FOXP4: variants seen among roughly 807,000 people sequenced by gnomAD.
FOXP4 encodes forkhead box P4.
A neutral mutation model predicts 82.6 loss-of-function variants in FOXP4; 25 were observed. That is an observed-to-expected ratio of 0.30 (90% CI 0.22 to 0.42). The LOEUF (loss-of-function observed/expected upper bound fraction) is 0.42, where lower values mean the gene tolerates loss of function less well. FOXP4 is among the 10% of genes least tolerant of loss of function. The pLI is 1.00. For missense variants in FOXP4, 785 were observed against 900.9 expected (o/e 0.87, Z 1.65); for synonymous variants, 415 against 388.2 (o/e 1.07, Z -0.81).
chr6:41,592,111 C>CG (rs1287377162), intron 13 of FOXP4, among the ~76,000 whole-genome samples: 1 of 152,016 alleles, frequency 6.6e-6, no homozygotes, highest in South Asian at 2.1e-4. Context: ...AGGTTAGACG[C>CG]GGGGAAGGAC....
In FOXP4 at chr6:41,591,217, G is replaced by T; in HGVS notation, c.1435-4G>T. 1 of 1,604,556 alleles carries T rather than the reference G, an allele frequency of 6.2e-7. No individual in the cohort carries two copies. The highest frequency in any genetic ancestry group is 8.5e-7 in the Non-Finnish European group (1 of 1,175,228). ...CGGTCCCTTTGCTTGTTCCTTCCCC[G>T]CAGGCCATCCTGGAAACCCCTGACA... On this transcript the variant is annotated splice_polypyrimidine_tract_variant and splice_region_variant and intron_variant, in intron 12 of 16. Transcript: ENST00000307972. The surrounding 1 kb of genome is among the most constrained non-coding windows in gnomAD (Gnocchi z 4.2).
In FOXP4 at chr6:41,591,069, AC is replaced by A. The variant is rs1766486812; in HGVS notation, c.1435-149del. The A allele has an allele frequency of 1.5e-6, 1 of 667,464 alleles. No individual in the cohort carries two copies. Among genetic ancestry groups the A allele is most frequent in the Non-Finnish European group, 2.6e-6 (1 of 378,322 alleles). The allele number at this position is 667,464 out of a possible 1,614,324, so 41.3% of individuals were successfully genotyped here. ...CCTCTGAGGGGACCCACCAGCCACC[AC>A]CCATCTTGTTATCCACACATTTCTG... is the stretch of plus-strand genomic sequence containing the variant. On this transcript the variant is annotated intron_variant, in intron 12 of 16. Transcript: ENST00000307972. The surrounding 1 kb of genome is among the most constrained non-coding windows in gnomAD (Gnocchi z 4.2).
At chr6:41,554,309 T>C (rs1764160840) in intron 1 of FOXP4, among the ~76,000 whole-genome samples, 1 of 152,216 alleles carries the variant, frequency 6.6e-6, no homozygotes, top group Non-Finnish European at 1.5e-5. Flanking sequence ...TTCATTACAA[T>C]GGTAAATTTC....
Position 41,597,155 on chromosome 6 carries a change from AT to A in FOXP4, c.1659-20del. The A allele has an allele frequency of 6.2e-7, 1 of 1,613,714 alleles. No individual in the cohort carries two copies. Among genetic ancestry groups the A allele is most frequent in the Non-Finnish European group, 8.5e-7 (1 of 1,179,652 alleles). The stretch of plus-strand genomic sequence containing the variant: ...AGCTAAGTGAATGAGTGAGCCAAAG[AT>A]GGCCTTCTCTGTCCTCCAGGAGCCC... On this transcript the variant is annotated intron_variant, in intron 14 of 16. Transcript: ENST00000307972.
At chr6:41,587,254 C>T (rs779084604) in intron 6 of FOXP4, 45 bp from the exon 7 acceptor site, 5 of 1,609,008 alleles carry the variant, frequency 3.1e-6, no homozygotes, top group African/African-American at 1.3e-5. Context: ...GGTAGAAAGC[C>T]GAGTGTTCGT....
chr6:41,572,712 G>T (rs1431383954), intron 2 of FOXP4, among the ~76,000 whole-genome samples: 2 of 152,144 alleles, frequency 1.3e-5, no homozygotes, highest in Admixed American at 6.5e-5. Context: ...AAGGAAGTTT[G>T]GAGTTTGTTT....
intron 1 of FOXP4, among the ~76,000 whole-genome samples, chr6:41,564,109 G>A (rs546780788): frequency 1.3e-5 from 2 of 152,178 alleles, no homozygotes; most frequent in African/African-American, 2.4e-5. Flanking sequence ...ACTGTGACTC[G>A]GGGGTAGTTG....
At chr6:41,549,743 T>TG (rs1438291328) in intron 1 of FOXP4, among the ~76,000 whole-genome samples, 4 of 83,558 alleles carry the variant, frequency 4.8e-5, no homozygotes, top group Non-Finnish European at 6.8e-5. Context: ...GGGGGGAGGG[T>TG]GGAGGGGAGA....
At position 41,597,935 on chromosome 6, in the gene FOXP4, C is replaced by T; in HGVS notation, c.1880C>T (p.Ser627Phe). The change falls in exon 16 of 17, where the codon TCC (serine) becomes TTC (phenylalanine). Residue 627 changes from serine (S) to phenylalanine (F), a missense_variant. Transcript: ENST00000307972. The part of the protein sequence containing the change: ...SNGSSSPPRL[S>F]PPQYSHQVQV... ...GGCAGCAGCAGCCCTCCTCGCCTCT[C>T]CCCGCCCCAGTACAGGTGAGCACAC... The T allele has an allele frequency of 6.4e-7, 1 of 1,551,480 alleles. No homozygotes were observed.
chr6:41,568,462 C>T lies in FOXP4; in HGVS notation c.204+2498C>T, dbSNP rs368287489. 7.6e-4 allele frequency among the ~76,000 whole-genome samples: 116 copies of T among 152,324 alleles called. 1 individual carries two copies. The highest frequency in any genetic ancestry group is 3.9e-3 in the South Asian group (19 of 4,824). ...CTTTGCTGCTTCTCCATCACACAGT[C>T]GCTGTGGGAAATGGAGGCAGCGAGG... On this transcript the variant is annotated intron_variant, in intron 2 of 16. Transcript: ENST00000307972.
chr6:41,551,866 G>T (rs1223208053), intron 1 of FOXP4, among the ~76,000 whole-genome samples: 3 of 152,180 alleles, frequency 2.0e-5, no homozygotes, highest in Admixed American at 6.5e-5. Context: ...TGTGCTGGAG[G>T]CCAGGCTGGT....
intron 1 of FOXP4, among the ~76,000 whole-genome samples, chr6:41,548,994 G>A (rs1376663042): frequency 2.0e-5 from 3 of 152,076 alleles, no homozygotes; most frequent in Non-Finnish European, 2.9e-5. Flanking sequence ...TGTGAGTTGG[G>A]GGAGTCACTC....
rs568665185 is a variant in FOXP4, at chr6:41,580,372, G to C, written c.300+2291G>C. ...ATTACAGGCGTGAGCCATCGTGCCC[G>C]GCCAGTAGAACTCACACTTTTAATC... On this transcript the variant is annotated intron_variant, in intron 3 of 16. Coordinates refer to ENST00000307972, the MANE Select transcript of FOXP4 (RefSeq NM_001012426.2). Among the ~76,000 whole-genome samples, 7 of 152,250 alleles carry C rather than the reference G, an allele frequency of 4.6e-5. No homozygotes were observed. The East Asian group carries it at 1.4e-3, about 29-fold the overall frequency.
intron 16 of FOXP4, 62 bp from the exon 17 acceptor site, chr6:41,598,727 G>T: frequency 6.5e-7 from 1 of 1,547,240 alleles, no homozygotes; most frequent in Non-Finnish European, 8.7e-7. Flanking sequence ...GAGTTTGGGG[G>T]GCAGGGGGCA....
At chr6:41,551,810 T>C (rs1268164918) in intron 1 of FOXP4, among the ~76,000 whole-genome samples, 1 of 152,160 alleles carries the variant, frequency 6.6e-6, no homozygotes, top group Non-Finnish European at 1.5e-5. Context: ...AGCCAGGGAC[T>C]CAGTAGTTGT....
At chr6:41,598,486 G>T (rs1767008574) in intron 16 of FOXP4, among the ~76,000 whole-genome samples, 1 of 152,122 alleles carries the variant, frequency 6.6e-6, no homozygotes, top group African/African-American at 2.4e-5. Context: ...CCAAAATGCT[G>T]GGATTACATG....
intron 14 of FOXP4, among the ~76,000 whole-genome samples, chr6:41,595,400 C>T (rs563300634): frequency 3.3e-5 from 5 of 151,990 alleles, no homozygotes; most frequent in South Asian, 2.1e-4. Context: ...TCTGAGGTCC[C>T]GCGACCCCAC....
intron 8 of FOXP4, 92 bp from the exon 9 acceptor site, chr6:41,588,552 A>G (rs1229207999): frequency 1.6e-6 from 2 of 1,249,534 alleles, no homozygotes; most frequent in Admixed American, 3.4e-5. Flanking sequence ...TCTGCTTTTC[A>G]GGCCATGGGT....
At chr6:41,573,636 T>C (rs1765319939) in intron 2 of FOXP4, among the ~76,000 whole-genome samples, 1 of 152,140 alleles carries the variant, frequency 6.6e-6, no homozygotes, top group Admixed American at 6.5e-5. Flanking sequence ...ATCATCATAA[T>C]AGCGTTCGTC....
Sources: allele counts gnomAD v4.1 joint callset (sites outside exome capture counted in the v4.1 genomes callset), GRCh38; gene constraint gnomAD v4.1.1; non-coding constraint Gnocchi (gnomAD v3.1); transcripts MANE v1.5; gene names NCBI Gene and HGNC (gene_info 2026-07-23, HGNC 2026-07-21).